C10orf67: variants seen among roughly 807,000 people sequenced by gnomAD.
C10orf67 encodes chromosome 10 open reading frame 67, also known as uncharacterized protein C10orf67, mitochondrial.
Under a neutral mutation model 35.6 loss-of-function variants are expected in C10orf67, and 60 were observed. The observed-to-expected ratio is 1.68, with a 90% CI of 1.37 to 2.09. C10orf67 has a LOEUF of 2.09. Ranked by LOEUF, C10orf67 falls within the 30% of genes most tolerant of loss-of-function variation. C10orf67 has a pLI of 0.00. For missense variants in C10orf67, 474 were observed against 330.2 expected, an observed-to-expected ratio of 1.44 and a Z score of -3.38; for synonymous variants, 167 against 115.8, an observed-to-expected ratio of 1.44 and a Z score of -2.84.
chr10:23,276,549 C>T (rs145789061), intron 8 of C10orf67, among the ~76,000 whole-genome samples: 25 of 152,092 alleles, frequency 1.6e-4, no homozygotes, highest in African/African-American at 5.3e-4. Flanking sequence ...TCACCTTACC[C>T]GAGCTCTCCT....
At chr10:23,321,823 G>C (rs534259527) in intron 3 of C10orf67, among the ~76,000 whole-genome samples, 1 of 152,068 alleles carries the variant, frequency 6.6e-6, no homozygotes, top group Non-Finnish European at 1.5e-5. Flanking sequence ...GTCTCGACTT[G>C]TCACCCAGGC....
chr10:23,284,577 C>T (rs148972291), intron 7 of C10orf67, among the ~76,000 whole-genome samples: 14 of 151,728 alleles, frequency 9.2e-5, no homozygotes, highest in African/African-American at 3.1e-4. Context: ...TGTAGTCCAA[C>T]CTACTCAGGA....
intron 15 of C10orf67, among the ~76,000 whole-genome samples, chr10:23,221,611 C>A (rs1720183432): frequency 6.6e-6 from 1 of 152,146 alleles, no homozygotes; most frequent in African/African-American, 2.4e-5. Flanking sequence ...CTCAGATAAA[C>A]CTTATTGGCT....
intron 1 of C10orf67, among the ~76,000 whole-genome samples, chr10:23,343,345 C>G (rs796414736): frequency 1.3e-5 from 2 of 152,184 alleles, no homozygotes; most frequent in African/African-American, 4.8e-5. Flanking sequence ...CTCCCTTGCC[C>G]GTTGCACCAT....
intron 13 of C10orf67, among the ~76,000 whole-genome samples, chr10:23,238,413 G>A (rs969063372): frequency 2.0e-5 from 3 of 152,160 alleles, no homozygotes; most frequent in African/African-American, 7.2e-5. Context: ...TTGAATCCAG[G>A]AAACAGTGGC....
intron 13 of C10orf67, among the ~76,000 whole-genome samples, chr10:23,228,775 G>A (rs1393224498): frequency 2.0e-5 from 3 of 152,064 alleles, no homozygotes; most frequent in Non-Finnish European, 4.4e-5. Context: ...GTGGGTGAAG[G>A]ATATGAACAG....
chr10:23,219,854 G>A lies in C10orf67; in HGVS notation c.1570+3744C>T, dbSNP rs538028799. ...AGATTTTATTTTTTACTTATGCCTG[G>A]TAGAAAATCAGCTATTAAAGAAGCA... On this transcript the variant is annotated intron_variant, in intron 15 of 15. Coordinates refer to ENST00000636213, the MANE Select transcript of C10orf67 (RefSeq NM_001371909.1). Among the ~76,000 whole-genome samples, 472 of 152,112 alleles carry A rather than the reference G, an allele frequency of 3.1e-3. 4 individuals carry two copies. Among genetic ancestry groups the A allele is most frequent in the African/African-American group, 0.011 (436 of 41,498 alleles).
intron 7 of C10orf67, among the ~76,000 whole-genome samples, chr10:23,289,559 A>G (rs117132335): frequency 0.015 from 2,325 of 152,318 alleles, 23 homozygotes; most frequent in Admixed American, 0.025. Context: ...ATCAACTAAC[A>G]TCTGATCTGA....
chr10:23,209,033 T>C (rs974694256), intron 15 of C10orf67, among the ~76,000 whole-genome samples: 15 of 150,494 alleles, frequency 1.0e-4, no homozygotes, highest in Non-Finnish European at 1.5e-5. Context: ...ACCACCTAGA[T>C]GAAGGCATGT....
chr10:23,257,087 T>C (rs997881755), intron 10 of C10orf67, among the ~76,000 whole-genome samples: 1 of 152,180 alleles, frequency 6.6e-6, no homozygotes, highest in Non-Finnish European at 1.5e-5. Flanking sequence ...GTTGCTCCCC[T>C]GGGAGAAGGG....
At chr10:23,229,589 A>T (rs893272742) in intron 13 of C10orf67, among the ~76,000 whole-genome samples, 1 of 152,126 alleles carries the variant, frequency 6.6e-6, no homozygotes, top group Non-Finnish European at 1.5e-5. Context: ...TAATAATAAT[A>T]AAAAAAGTTT....
chr10:23,253,262 G>A (rs1392651664), intron 10 of C10orf67, among the ~76,000 whole-genome samples: 2 of 152,228 alleles, frequency 1.3e-5, no homozygotes, highest in African/African-American at 4.8e-5. Flanking sequence ...TCATCAGTAC[G>A]TGGGTTGAAG....
At chr10:23,236,014 C>T (rs1035890591) in intron 13 of C10orf67, among the ~76,000 whole-genome samples, 6 of 151,634 alleles carry the variant, frequency 4.0e-5, no homozygotes, top group Non-Finnish European at 7.4e-5. Context: ...TTTGGGAGGC[C>T]GAGGCGGGCG....
Position 23,326,088 on chromosome 10 carries a change from A to G in C10orf67, c.328-3551T>C, listed in dbSNP as rs569958327. 1.2e-4 allele frequency among the ~76,000 whole-genome samples: 19 copies of G among 152,230 alleles called. No individual in the cohort carries two copies. The South Asian group carries it at 3.9e-3, about 32-fold the overall frequency. On this transcript the variant is annotated intron_variant, in intron 2 of 15. Transcript: ENST00000636213. ...AGAAGTCTAACATACAAGTAATTGG[A>G]GAGGATAGAAAAAGTGGGGTGGAAC... is the stretch of plus-strand genomic sequence containing the variant.
intron 12 of C10orf67, among the ~76,000 whole-genome samples, chr10:23,250,231 C>G (rs1409282451): frequency 1.3e-5 from 2 of 152,144 alleles, no homozygotes; most frequent in Admixed American, 1.3e-4. Context: ...TCCTGCTGAT[C>G]TTTTATAACA....
intron 13 of C10orf67, among the ~76,000 whole-genome samples, chr10:23,226,980 G>A (rs949959909): frequency 6.6e-6 from 1 of 152,188 alleles, no homozygotes; most frequent in Non-Finnish European, 1.5e-5. Flanking sequence ...TCCAGGACCA[G>A]ACGGATTCAC....
chr10:23,333,623 A>G (rs1330423675), intron 1 of C10orf67, among the ~76,000 whole-genome samples: 3 of 152,180 alleles, frequency 2.0e-5, no homozygotes, highest in Admixed American at 1.3e-4. Context: ...TAATTTTATA[A>G]TAGTATTAAG....
At position 23,238,832 on chromosome 10, in the gene C10orf67, C is replaced by G. The variant is rs992246200; in HGVS notation, c.1434+897G>C. On this transcript the variant is annotated intron_variant, in intron 13 of 15. Coordinates refer to ENST00000636213, the MANE Select transcript of C10orf67 (RefSeq NM_001371909.1). ...TATGTAGATCAGTTTGGGAACATTT[C>G]AGAGAAATCAAGTATTAAAATCCTC... Among the ~76,000 whole-genome samples, 10 of 152,088 alleles carry G rather than the reference C, an allele frequency of 6.6e-5. No individual in the cohort carries two copies. In the East Asian group the frequency reaches 1.9e-3, roughly 29 times the overall value.
chr10:23,211,403 A>T lies in C10orf67; in HGVS notation c.1571-7148T>A, dbSNP rs563151065. ...TCTGCAGAGACTCTATTTCTAAATA[A>T]GATTACATTCATAGGAGCCTGAGAT... On this transcript the variant is annotated intron_variant, in intron 15 of 15. Coordinates refer to ENST00000636213, the MANE Select transcript of C10orf67 (RefSeq NM_001371909.1). Among the ~76,000 whole-genome samples, 401 of 151,952 alleles carry T rather than the reference A, an allele frequency of 2.6e-3. 1 individual carries two copies. Among genetic ancestry groups the T allele is most frequent in the African/African-American group, 9.1e-3 (376 of 41,492 alleles).
Sources: allele counts gnomAD v4.1 joint callset (sites outside exome capture counted in the v4.1 genomes callset), GRCh38; gene constraint gnomAD v4.1.1; transcripts MANE v1.5; gene names NCBI Gene and HGNC (gene_info 2026-07-23, HGNC 2026-07-21).